Variants in ZDHHC17 observed in about 807,000 individuals in gnomAD.
ZDHHC17 encodes palmitoyltransferase ZDHHC17.
A neutral mutation model predicts 90.3 loss-of-function variants in ZDHHC17; 40 were observed. That is an observed-to-expected ratio of 0.44 (90% CI 0.34 to 0.58). The LOEUF (loss-of-function observed/expected upper bound fraction) is 0.58, where lower values mean the gene tolerates loss of function less well. Among genes scored for constraint, ZDHHC17 ranks in the 20% least tolerant of loss-of-function variants. ZDHHC17 has a pLI of 0.01. For synonymous variants in ZDHHC17, 235 were observed against 252.4 expected, an observed-to-expected ratio of 0.93 and a Z score of 0.65; for missense variants, 614 against 780.8, an observed-to-expected ratio of 0.79 and a Z score of 2.55.
Position 76,851,560 on chromosome 12 carries a change from A to G in ZDHHC17, c.*575A>G, listed in dbSNP as rs1470046232. The G allele has an allele frequency of 6.5e-6, 1 of 152,830 alleles. No homozygotes were observed. Among genetic ancestry groups the G allele is most frequent in the East Asian group, 1.9e-4 (1 of 5,208 alleles). The allele number at this position is 152,830 out of a possible 1,614,324, so 9.5% of individuals were successfully genotyped here. ...ATAATGTTCACAATAAAATGTGCTA[A>G]CAATGTTTTGTTTCTATCAGCTGTT... On this transcript the variant is annotated 3_prime_UTR_variant, in exon 17 of 17. Transcript: ENST00000426126.
chr12:76,787,671 G>T (rs1952706254), intron 1 of ZDHHC17, among the ~76,000 whole-genome samples: 1 of 151,994 alleles, frequency 6.6e-6, no homozygotes. Flanking sequence ...GCGCGCAGGA[G>T]AGTTGATGGT....
intron 10 of ZDHHC17, among the ~76,000 whole-genome samples, chr12:76,833,131 A>G (rs1000494509): frequency 6.6e-6 from 1 of 152,160 alleles, no homozygotes; most frequent in Non-Finnish European, 1.5e-5. Flanking sequence ...GTAAGTTCTT[A>G]CTGTTCCATT....
chr12:76,790,595 A>T (rs1952749514), intron 1 of ZDHHC17, among the ~76,000 whole-genome samples: 1 of 152,268 alleles, frequency 6.6e-6, no homozygotes, highest in Non-Finnish European at 1.5e-5. Context: ...AAATACATGT[A>T]TAGATAGGGA....
intron 1 of ZDHHC17, among the ~76,000 whole-genome samples, chr12:76,775,624 TTTTC>T (rs1447821331): frequency 8.5e-5 from 13 of 152,192 alleles, no homozygotes; most frequent in African/African-American, 3.1e-4. Context: ...GTTGGCAGTA[TTTTC>T]TTTCTTAGTG....
intron 10 of ZDHHC17, among the ~76,000 whole-genome samples, chr12:76,833,927 A>T (rs777677058): frequency 6.6e-6 from 1 of 152,210 alleles, no homozygotes; most frequent in Non-Finnish European, 1.5e-5. Flanking sequence ...AAAAATGAAA[A>T]CAACCTGAAT....
chr12:76,789,960 G>C (rs549525462), intron 1 of ZDHHC17, among the ~76,000 whole-genome samples: 2 of 152,234 alleles, frequency 1.3e-5, no homozygotes, highest in African/African-American at 4.8e-5. Context: ...GGAACAAAAA[G>C]AACATTGGAC....
chr12:76,780,802 G>T (rs967943216), intron 1 of ZDHHC17, among the ~76,000 whole-genome samples: 8 of 152,048 alleles, frequency 5.3e-5, no homozygotes, highest in Non-Finnish European at 1.2e-4. Flanking sequence ...GATAAAATTA[G>T]GTAGCCATTG....
At chr12:76,843,366 A>C (rs1053405667) in intron 12 of ZDHHC17, among the ~76,000 whole-genome samples, 3 of 152,108 alleles carry the variant, frequency 2.0e-5, no homozygotes, top group Admixed American at 6.5e-5. Context: ...ACATGGGAAA[A>C]TCCATTAGAT....
chr12:76,785,302 G>C (rs1484259933), intron 1 of ZDHHC17, among the ~76,000 whole-genome samples: 1 of 152,102 alleles, frequency 6.6e-6, no homozygotes, highest in Non-Finnish European at 1.5e-5. Flanking sequence ...TCTTGAACTT[G>C]ATGGGGCTTA....
At chr12:76,811,795 T>C (rs1478684614) in intron 5 of ZDHHC17, among the ~76,000 whole-genome samples, 6 of 152,150 alleles carry the variant, frequency 3.9e-5, no homozygotes, top group Non-Finnish European at 7.4e-5. Context: ...TTTTATTCCA[T>C]GTACAGATTA....
intron 5 of ZDHHC17, among the ~76,000 whole-genome samples, chr12:76,811,066 G>A (rs948131034): frequency 6.6e-6 from 1 of 152,158 alleles, no homozygotes; most frequent in African/African-American, 2.4e-5. Context: ...AAGAACAAAA[G>A]TAGAAGCTGT....
intron 7 of ZDHHC17, chr12:76,821,006 C>CT (rs1438484924): frequency 9.3e-7 from 1 of 1,076,252 alleles, no homozygotes. Flanking sequence ...AGTTAGATGA[C>CT]TGGAGGAGTA....
chr12:76,826,821 T>A, intron 8 of ZDHHC17, 87 bp from the exon 9 acceptor site: 1 of 1,338,790 alleles, frequency 7.5e-7, no homozygotes, highest in Non-Finnish European at 9.9e-7. Flanking sequence ...TCACCCGCTG[T>A]TGCATGCCTT....
intron 1 of ZDHHC17, among the ~76,000 whole-genome samples, chr12:76,772,542 T>G (rs1461751312): frequency 6.6e-6 from 1 of 150,524 alleles, no homozygotes; most frequent in South Asian, 2.1e-4. Context: ...CTTGTTTTTT[T>G]TTTTTTTTTT....
At chr12:76,805,169 T>TG in intron 2 of ZDHHC17, 148 bp from the exon 3 acceptor site, 1 of 768,220 alleles carries the variant, frequency 1.3e-6, no homozygotes, top group Non-Finnish European at 2.0e-6. Flanking sequence ...TTTGGAATGT[T>TG]GACATTTTAA....
At chr12:76,800,924 A>T (rs144916727) in intron 2 of ZDHHC17, among the ~76,000 whole-genome samples, 2 of 121,528 alleles carry the variant, frequency 1.6e-5, no homozygotes, top group African/African-American at 6.4e-5. Flanking sequence ...GTCTTGCTCT[A>T]TCGCCTAGGC....
chr12:76,840,448 C>A (rs1409668706), intron 10 of ZDHHC17: 1 of 151,324 alleles, frequency 6.6e-6, no homozygotes. Flanking sequence ...TCAAGCAATT[C>A]TCCTGCCTCA....
intron 10 of ZDHHC17, among the ~76,000 whole-genome samples, chr12:76,829,271 A>G (rs1451598274): frequency 6.6e-6 from 1 of 151,994 alleles, no homozygotes; most frequent in Non-Finnish European, 1.5e-5. Flanking sequence ...AGACTGGCCA[A>G]TATGGTGAAA....
intron 10 of ZDHHC17, among the ~76,000 whole-genome samples, chr12:76,835,131 A>G (rs1206342901): frequency 6.9e-6 from 1 of 145,794 alleles, no homozygotes; most frequent in African/African-American, 2.6e-5. Flanking sequence ...ACTCACTGCC[A>G]CCTCCACCTC....
Sources: gnomAD v4.1 joint callset for allele counts (sites outside exome capture counted in the v4.1 genomes callset) on GRCh38, gnomAD v4.1.1 for gene constraint, MANE v1.5 for transcripts, NCBI Gene and HGNC (gene_info 2026-07-23, HGNC 2026-07-21) for gene names.